Variants in DAGLB observed in about 807,000 individuals in gnomAD.
The protein encoded by DAGLB is diacylglycerol lipase beta.
A neutral mutation model predicts 72.1 loss-of-function variants in DAGLB; 66 were observed. That is an observed-to-expected ratio of 0.92 (90% CI 0.75 to 1.12). The LOEUF (loss-of-function observed/expected upper bound fraction) is 1.12. Among genes scored for constraint, DAGLB ranks in the 50% most tolerant of loss-of-function variants. The probability of loss-of-function intolerance (pLI) is 0.00; values close to 1 mark genes in which losing one functional copy is unlikely to be tolerated. For missense variants in DAGLB, 1,065 were observed against 884.9 expected, an observed-to-expected ratio of 1.20 and a Z score of -2.58; for synonymous variants, 414 against 359.5, an observed-to-expected ratio of 1.15 and a Z score of -1.71.
At chr7:6,417,852 A>C (rs2115249083) in intron 9 of DAGLB, 1 of 152,248 alleles carries the variant, frequency 6.6e-6, no homozygotes, top group East Asian at 1.9e-4. Context: ...AAAGTAAATA[A>C]AATTTTATTT....
chr7:6,431,447 G>A lies in DAGLB; in HGVS notation c.802-840C>T, dbSNP rs181215858. On this transcript the variant is annotated intron_variant, in intron 5 of 14. Coordinates refer to ENST00000297056, the MANE Select transcript of DAGLB (RefSeq NM_139179.4). ...TTGTTCTAATGCATAGAATTGAACA[G>A]CAAATTTCCTAAAACATAAGCCTTC... Among the ~76,000 whole-genome samples, 139 of 152,258 alleles carry A rather than the reference G, an allele frequency of 9.1e-4. 2 individuals are homozygous for A. Among genetic ancestry groups the A allele is most frequent in the Admixed American group, 2.6e-3 (40 of 15,258 alleles).
At chr7:6,410,068 G>C in intron 14 of DAGLB, 33 bp from the exon 15 acceptor site, 1 of 1,598,714 alleles carries the variant, frequency 6.3e-7, no homozygotes, top group Non-Finnish European at 8.5e-7. Flanking sequence ...GCTCCCACGC[G>C]GCCCCAGGGC....
intron 13 of DAGLB, 93 bp downstream of exon 13, chr7:6,412,718 C>G: frequency 7.3e-7 from 1 of 1,370,170 alleles, no homozygotes; most frequent in Admixed American, 2.0e-5. Flanking sequence ...ATAGAGTGCC[C>G]TGCACTGAGG....
Position 6,409,881 on chromosome 7 carries a change from C to G in DAGLB, c.1975G>C (p.Val659Leu), listed in dbSNP as rs116243689. 2.3e-5 allele frequency: 37 copies of G among 1,613,942 alleles called. No individual in the cohort carries two copies. Among genetic ancestry groups the G allele is most frequent in the Non-Finnish European group, 2.8e-5 (33 of 1,180,048 alleles). The change falls in exon 15 of 15, where the codon GTC becomes CTC. Residue 659 changes from valine (V) to leucine (L), a missense_variant. Coordinates refer to ENST00000297056, the MANE Select transcript of DAGLB (RefSeq NM_139179.4). ...DSVVSDRAAC[V>L]SCPAQGVSSV... ...GAGACCCCTTGTGCTGGACAGGAGA[C>G]GCAGGCCGCTCTGTCGGAGACCACG... is the stretch of plus-strand genomic sequence containing the variant.
chr7:6,413,837 G>A (rs1305570682), intron 11 of DAGLB, among the ~76,000 whole-genome samples: 1 of 152,178 alleles, frequency 6.6e-6, no homozygotes, highest in Non-Finnish European at 1.5e-5. Context: ...CCACTGCGGG[G>A]TCATCTCAGG....
At chr7:6,414,429 C>G (rs565916663) in intron 11 of DAGLB, among the ~76,000 whole-genome samples, 18 of 152,140 alleles carry the variant, frequency 1.2e-4, no homozygotes, top group African/African-American at 4.3e-4. Context: ...CCTACTGCCT[C>G]AGCCTCCCGG....
intron 2 of DAGLB, among the ~76,000 whole-genome samples, chr7:6,438,617 C>T (rs1784737012): frequency 6.6e-6 from 1 of 152,102 alleles, no homozygotes; most frequent in Non-Finnish European, 1.5e-5. Context: ...AAAACAGACA[C>T]ATCCTAATGT....
chr7:6,419,020 C>T (rs995984953), intron 9 of DAGLB, among the ~76,000 whole-genome samples: 1 of 151,148 alleles, frequency 6.6e-6, no homozygotes, highest in African/African-American at 2.4e-5. Context: ...TGAACCCAGC[C>T]ATCATATAAG....
chr7:6,437,245 A>G (rs1457855280), intron 2 of DAGLB, among the ~76,000 whole-genome samples: 1 of 151,948 alleles, frequency 6.6e-6, no homozygotes, highest in Non-Finnish European at 1.5e-5. Context: ...CCAGGCAAAC[A>G]GGGATATATG....
intron 13 of DAGLB, chr7:6,412,464 C>CTT (rs879547981): frequency 3.2e-4 from 61 of 193,510 alleles, no homozygotes; most frequent in South Asian, 1.2e-3. Flanking sequence ...ATTTTCTTTT[C>CTT]TTTTTTTTTT....
intron 13 of DAGLB, 40 bp from the exon 14 acceptor site, chr7:6,410,420 C>T (rs758356063): frequency 1.3e-6 from 2 of 1,557,484 alleles, no homozygotes; most frequent in Non-Finnish European, 1.7e-6. Flanking sequence ...TGTCACTCAC[C>T]CTCTGTCACC....
In DAGLB at chr7:6,410,391, G is replaced by C; in HGVS notation, c.1570-11C>G. 1 of 1,598,526 alleles carries C rather than the reference G, an allele frequency of 6.3e-7. No individual in the cohort carries two copies. The highest frequency in any genetic ancestry group is 8.5e-7 in the Non-Finnish European group (1 of 1,170,586). On this transcript the variant is annotated splice_polypyrimidine_tract_variant and intron_variant, in intron 13 of 14. Coordinates refer to ENST00000297056, the MANE Select transcript of DAGLB (RefSeq NM_139179.4). The stretch of plus-strand genomic sequence containing the variant: ...CAGCAAGATCTTGTACTGAGGGCGA[G>C]ACCCAATCAGTAGAATGCTGTCACT...
intron 2 of DAGLB, among the ~76,000 whole-genome samples, chr7:6,439,583 C>T (rs1784764233): frequency 6.6e-6 from 1 of 152,170 alleles, no homozygotes. Context: ...GATACAAACA[C>T]AGAGGAGATA....
intron 2 of DAGLB, 75 bp from the exon 3 acceptor site, chr7:6,436,608 G>C: frequency 3.2e-6 from 5 of 1,584,530 alleles, no homozygotes; most frequent in African/African-American, 1.4e-5. Flanking sequence ...CAAAAATACA[G>C]CTTTTGCAGA....
intron 11 of DAGLB, chr7:6,416,354 G>T: frequency 3.5e-6 from 1 of 289,246 alleles, no homozygotes; most frequent in Non-Finnish European, 6.4e-6. Flanking sequence ...GACCAGCCTG[G>T]CCAACATGGT....
At chr7:6,446,197 G>A (rs1328375399) in intron 1 of DAGLB, 93 bp from the exon 2 acceptor site, 12 of 1,358,194 alleles carry the variant, frequency 8.8e-6, no homozygotes, top group East Asian at 5.1e-5. Flanking sequence ...GACAGGGCGC[G>A]GTGGCTCACA....
At position 6,441,091 on chromosome 7, in the gene DAGLB, A is replaced by G. The variant is rs567774454; in HGVS notation, c.248-4558T>C. 1.4e-4 allele frequency among the ~76,000 whole-genome samples: 18 copies of G among 125,994 alleles called. No individual in the cohort carries two copies. In the East Asian group the frequency reaches 3.6e-3, roughly 25 times the overall value. 82.7% of individuals were successfully genotyped at this position (125,994 alleles called of 152,430 possible). A position where few individuals can be genotyped will look rare whatever the true frequency, so the allele number is the denominator to read the frequency against. ...ATGACGTTATGTGTAACAAACTGAC[A>G]ATTTTTTTTTTTTTTTTGAGATGGA... On this transcript the variant is annotated intron_variant, in intron 2 of 14. Transcript: ENST00000297056.
chr7:6,442,479 G>A (rs1186987450), intron 2 of DAGLB, among the ~76,000 whole-genome samples: 2 of 152,072 alleles, frequency 1.3e-5, no homozygotes, highest in South Asian at 4.1e-4. Flanking sequence ...CTTCCACTCT[G>A]ACCCTGCTAT....
intron 11 of DAGLB, 134 bp downstream of exon 11, chr7:6,416,493 A>C: frequency 1.5e-6 from 2 of 1,344,328 alleles, no homozygotes; most frequent in Non-Finnish European, 2.0e-6. Flanking sequence ...CAGTGAGCCG[A>C]GATCACGCCA....
Sources: gnomAD v4.1 joint callset for allele counts (sites outside exome capture counted in the v4.1 genomes callset) on GRCh38, gnomAD v4.1.1 for gene constraint, MANE v1.5 for transcripts, NCBI Gene and HGNC (gene_info 2026-07-23, HGNC 2026-07-21) for gene names.